Variants in AP1B1 observed in about 807,000 individuals in gnomAD.
AP1B1 encodes the protein adaptor related protein complex 1 subunit beta 1.
Under a neutral mutation model 104.3 loss-of-function variants are expected in AP1B1, and 36 were observed. The ratio of observed to expected loss-of-function variants is 0.35; its 90% CI spans 0.26 to 0.46. The LOEUF is 0.46. AP1B1 is among the 20% of genes least tolerant of loss of function. The pLI is 1.00. For missense variants in AP1B1, 901 were observed against 1,247.9 expected (o/e 0.72, Z 4.19); for synonymous variants, 504 against 517.5 (o/e 0.97, Z 0.35).
chr22:29,334,437 C>T (rs572095399), intron 16 of AP1B1, 27 bp from the exon 17 acceptor site: 9 of 1,578,504 alleles, frequency 5.7e-6, no homozygotes, highest in African/African-American at 4.1e-5. Context: ...GCGGAGGGGG[C>T]GGGTAGGTGC....
intron 17 of AP1B1, among the ~76,000 whole-genome samples, 188 bp downstream of exon 17, chr22:29,334,073 AAAAC>A (rs1356119503): frequency 6.6e-6 from 1 of 152,166 alleles, no homozygotes; most frequent in Non-Finnish European, 1.5e-5. Context: ...TCCAAAAGAA[AAAAC>A]AAACAAACAA....
chr22:29,380,224 T>C (rs529575626), intron 1 of AP1B1, among the ~76,000 whole-genome samples: 5 of 152,318 alleles, frequency 3.3e-5, no homozygotes, highest in Admixed American at 2.6e-4. Context: ...CCTGCCCTCC[T>C]ACGCCACTGT....
At chr22:29,367,041 T>C (rs889357414) in intron 2 of AP1B1, among the ~76,000 whole-genome samples, 166 bp downstream of exon 2, 12 of 152,096 alleles carry the variant, frequency 7.9e-5, no homozygotes, top group African/African-American at 2.2e-4. Context: ...CAATTTCTTA[T>C]ATCATCAACA....
Position 29,354,640 on chromosome 22 carries a change from A to G in AP1B1, c.938+10T>C. 6.2e-7 allele frequency: 1 copy of G among 1,612,728 alleles called. No individual in the cohort carries two copies. Among genetic ancestry groups the G allele is most frequent in the South Asian group, 1.1e-5 (1 of 91,038 alleles). On this transcript the variant is annotated intron_variant, in intron 7 of 22. Coordinates refer to ENST00000357586, the MANE Select transcript of AP1B1 (RefSeq NM_001127.4). ...GGTACGCATGGACGTGCGTGTGGTG[A>G]CCTCAGTACCTTTTCTGCACGATGA... is the stretch of plus-strand genomic sequence containing the variant.
At chr22:29,337,596 C>A (rs1290443682) in intron 16 of AP1B1, among the ~76,000 whole-genome samples, 1 of 152,204 alleles carries the variant, frequency 6.6e-6, no homozygotes, top group Non-Finnish European at 1.5e-5. Context: ...CTGGCAAACA[C>A]AACTTCTGAT....
intron 5 of AP1B1, among the ~76,000 whole-genome samples, chr22:29,358,296 G>A (rs2061991009): frequency 2.0e-5 from 3 of 152,184 alleles, no homozygotes; most frequent in Admixed American, 6.5e-5. Flanking sequence ...AACAAAGATG[G>A]GGGAAGGGAA....
chr22:29,331,357 T>C (rs1394271809), intron 19 of AP1B1, 92 bp downstream of exon 19: 8 of 1,244,100 alleles, frequency 6.4e-6, no homozygotes, highest in Non-Finnish European at 8.3e-6. Flanking sequence ...GGCAAGGCAG[T>C]CCATCTGGAC....
In AP1B1 at chr22:29,349,390, G is replaced by A. The variant is rs1367337700; in HGVS notation, c.1272-7C>T. On this transcript the variant is annotated splice_region_variant and splice_polypyrimidine_tract_variant and intron_variant, in intron 10 of 22. Transcript: ENST00000357586. ...GGCAATCACACTCTCATACCTGGGA[G>A]ACCAGGGCACAGTTGGTATGGGAGC... 3 of 1,613,146 alleles carry A rather than the reference G, an allele frequency of 1.9e-6. No individual in the cohort carries two copies. The Admixed American group carries it at 5.0e-5, about 27-fold the overall frequency.
chr22:29,354,092 C>T (rs1344302849), intron 7 of AP1B1, among the ~76,000 whole-genome samples: 1 of 152,154 alleles, frequency 6.6e-6, no homozygotes. Context: ...GGGAAGTGGG[C>T]GGCACAGCAT....
chr22:29,337,511 A>G (rs771628739), intron 16 of AP1B1, among the ~76,000 whole-genome samples: 1 of 152,098 alleles, frequency 6.6e-6, no homozygotes, highest in Non-Finnish European at 1.5e-5. Flanking sequence ...CCTAGTCATG[A>G]CAGAGCTGTC....
chr22:29,362,703 G>A (rs7287288), intron 3 of AP1B1, among the ~76,000 whole-genome samples: 94 of 152,262 alleles, frequency 6.2e-4, no homozygotes, highest in African/African-American at 2.2e-3. Flanking sequence ...CTCTTCCCCA[G>A]CCAGTACTGA....
chr22:29,378,954 T>G (rs531146826), intron 1 of AP1B1, among the ~76,000 whole-genome samples: 2 of 151,774 alleles, frequency 1.3e-5, no homozygotes, highest in Admixed American at 1.3e-4. Context: ...AAATGTCACA[T>G]GCAAACGTTC....
At chr22:29,331,948 G>C in intron 17 of AP1B1, 32 bp from the exon 18 acceptor site, 1 of 1,587,322 alleles carries the variant, frequency 6.3e-7, no homozygotes, top group Admixed American at 1.7e-5. Flanking sequence ...AGGGATGGCA[G>C]GGGGAGTAGG....
chr22:29,355,322 T>C (rs1026634471), intron 6 of AP1B1, among the ~76,000 whole-genome samples: 1 of 151,420 alleles, frequency 6.6e-6, no homozygotes, highest in Non-Finnish European at 1.5e-5. Context: ...TAGCTGAGTA[T>C]GGTGGTGCAT....
At chr22:29,385,179 G>A (rs2062502146) in intron 1 of AP1B1, among the ~76,000 whole-genome samples, 1 of 152,154 alleles carries the variant, frequency 6.6e-6, no homozygotes, top group Non-Finnish European at 1.5e-5. Flanking sequence ...GAGGCCAGGG[G>A]TTTGAGACCA....
At chr22:29,362,339 T>C (rs1217961892) in intron 3 of AP1B1, among the ~76,000 whole-genome samples, 3 of 152,054 alleles carry the variant, frequency 2.0e-5, no homozygotes. Context: ...AAAATCCAGA[T>C]TTCCCATTCT....
At chr22:29,332,035 G>T in intron 17 of AP1B1, 119 bp from the exon 18 acceptor site, 1 of 1,066,310 alleles carries the variant, frequency 9.4e-7, no homozygotes, top group Non-Finnish European at 1.3e-6. Flanking sequence ...CACCGTGCCA[G>T]CCTTCCCATG....
At chr22:29,331,567 G>A (rs2061558481) in intron 18 of AP1B1, 34 bp from the exon 19 acceptor site, 2 of 1,611,482 alleles carry the variant, frequency 1.2e-6, no homozygotes, top group South Asian at 2.2e-5. Flanking sequence ...CAGTCTCTGG[G>A]GCTTGACGCC....
intron 16 of AP1B1, among the ~76,000 whole-genome samples, chr22:29,337,036 G>A (rs1017567157): frequency 2.0e-5 from 3 of 152,198 alleles, no homozygotes; most frequent in Non-Finnish European, 4.4e-5. Context: ...AATCCAGGTA[G>A]TAAGTCAACT....
Sources: allele counts gnomAD v4.1 joint callset (sites outside exome capture counted in the v4.1 genomes callset), GRCh38; gene constraint gnomAD v4.1.1; transcripts MANE v1.5; gene names NCBI Gene and HGNC (gene_info 2026-07-23, HGNC 2026-07-21).